ATP2A3: variants seen among roughly 807,000 people sequenced by gnomAD.
ATP2A3 encodes the protein sarcoplasmic/endoplasmic reticulum calcium ATPase 3.
A neutral mutation model predicts 106.8 loss-of-function variants in ATP2A3; 61 were observed. That is an observed-to-expected ratio of 0.57 (90% CI 0.46 to 0.71). The LOEUF is 0.71. ATP2A3 is among the 30% of genes least tolerant of loss of function. The pLI is 0.00. For missense variants in ATP2A3, 1,201 were observed against 1,423.5 expected (o/e 0.84, Z 2.52); for synonymous variants, 611 against 609.3 (o/e 1.00, Z -0.04).
At chr17:3,961,919 G>T (rs1475005773) in intron 1 of ATP2A3, among the ~76,000 whole-genome samples, 4 of 152,168 alleles carry the variant, frequency 2.6e-5, no homozygotes, top group African/African-American at 7.2e-5. Context: ...AGGGTTCAAA[G>T]CCTCATCAGC....
Position 3,941,002 on chromosome 17 carries a change from T to C in ATP2A3, c.2069A>G (p.Asn690Ser), listed in dbSNP as rs1310204775. The change falls in exon 14 of 21, where the codon AAC becomes AGC. Residue 690 changes from asparagine to serine, a missense_variant. Coordinates refer to ENST00000397041, the MANE Select transcript of ATP2A3 (RefSeq NM_005173.4). The part of the protein sequence containing the change: ...EPAHKSRIVE[N>S]LQSFNEITAM... ...AGTGATCTCGTTAAAGGACTGCAGGTTCTCCACGATGCGGGACTTGTGTGC... is the reference window on the plus strand; with the variant it reads ...AGTGATCTCGTTAAAGGACTGCAGGCTCTCCACGATGCGGGACTTGTGTGC... 30 of 1,613,942 alleles carry C rather than the reference T, an allele frequency of 1.9e-5. No individual in the cohort carries two copies. The highest frequency in any genetic ancestry group is 2.5e-5 in the Non-Finnish European group (30 of 1,179,832).
At chr17:3,951,927 G>A (rs1224876197) in intron 3 of ATP2A3, among the ~76,000 whole-genome samples, 1 of 152,156 alleles carries the variant, frequency 6.6e-6, no homozygotes, top group Non-Finnish European at 1.5e-5. Context: ...GCTGCCCACC[G>A]AGGCCTTACT....
At position 3,944,692 on chromosome 17, in the gene ATP2A3, G is replaced by C; in HGVS notation, c.1287+12C>G. 1 of 1,611,462 alleles carries C rather than the reference G, an allele frequency of 6.2e-7. No homozygotes were observed. The highest frequency in any genetic ancestry group is 8.5e-7 in the Non-Finnish European group (1 of 1,178,602). The stretch of plus-strand genomic sequence containing the variant: ...GGATACTAGGGAGGTCATGAAAGGG[G>C]GTGAGGCCCACCTCGTTGTAGTCCA... On this transcript the variant is annotated intron_variant, in intron 10 of 20. Coordinates refer to ENST00000397041, the MANE Select transcript of ATP2A3 (RefSeq NM_005173.4).
Position 3,930,165 on chromosome 17 carries a change from C to T in ATP2A3, c.2744+136G>A, listed in dbSNP as rs2052978236. The T allele has an allele frequency of 7.9e-7, 1 of 1,270,620 alleles. No homozygotes were observed. Among genetic ancestry groups the T allele is most frequent in the Non-Finnish European group, 1.1e-6 (1 of 928,348 alleles). 78.7% of individuals were successfully genotyped at this position (1,270,620 alleles called of 1,614,324 possible). On this transcript the variant is annotated intron_variant, in intron 18 of 20. Transcript: ENST00000397041. The surrounding 1 kb of genome is among the most constrained non-coding windows in gnomAD (Gnocchi z 5.4). ...TGATACTGGAACCCCCAGCCCTCAG[C>T]CCCCACTCCTCGGCCCCAGCTCCAG...
At chr17:3,958,803 C>CACACACACACATAT (rs1360510865) in intron 1 of ATP2A3, among the ~76,000 whole-genome samples, 1 of 116,096 alleles carries the variant, frequency 8.6e-6, no homozygotes, top group Non-Finnish European at 1.7e-5. Flanking sequence ...CATATATATA[C>CACACACACACATAT]ACACATATAT....
Position 3,951,287 on chromosome 17 carries a change from G to C in ATP2A3, c.427C>G (p.Arg143Gly). ...DRKGVQRIRA[R>G]DIVPGDIVEV... is the part of the protein sequence containing the mutation. ...ACAATGTCCCCTGGGACGATGTCCC[G>C]GGCACGGATCCTCTGCACGCCCTTG... The change falls in exon 5 of 21, where the codon CGG (arginine) becomes GGG (glycine). Residue 143 changes from arginine (R) to glycine (G), a missense_variant. Physicochemically the swap from Arg to Gly is moderately radical, Grantham distance 125. This residue lies in a region of ATP2A3 where 266 missense variants were observed against 246.8 expected (regional missense o/e 1.08). Transcript: ENST00000397041. The C allele has an allele frequency of 6.2e-7, 1 of 1,613,786 alleles. No individual in the cohort carries two copies. The highest frequency in any genetic ancestry group is 8.5e-7 in the Non-Finnish European group (1 of 1,179,978).
At chr17:3,931,458 G>C (rs1292263367) in intron 17 of ATP2A3, among the ~76,000 whole-genome samples, 1 of 152,000 alleles carries the variant, frequency 6.6e-6, no homozygotes, top group Non-Finnish European at 1.5e-5. Flanking sequence ...CCGTTAACCA[G>C]CTTAGTTCAC....
At chr17:3,941,880 G>A (rs933989127) in intron 12 of ATP2A3, among the ~76,000 whole-genome samples, 3 of 152,298 alleles carry the variant, frequency 2.0e-5, no homozygotes, top group East Asian at 1.9e-4. Context: ...TGGGGTGGGG[G>A]CAGCCACCAA....
chr17:3,929,326 A>C lies in ATP2A3; in HGVS notation c.2862+2T>G. The stretch of plus-strand genomic sequence containing the variant: ...GGCAGTGGGGCAGGCGGGGTGACTC[A>C]CAGGCAGGGGCGGCACGAGCAGGAT... On this transcript the variant is annotated splice_donor_variant, in intron 19 of 20. Coordinates refer to ENST00000397041, the MANE Select transcript of ATP2A3 (RefSeq NM_005173.4). LOFTEE classifies it high-confidence loss of function. This position sits in a 1 kb window ranked among gnomAD's most constrained non-coding sequence, Gnocchi z 4.3. 6.4e-7 allele frequency: 1 copy of C among 1,550,756 alleles called. No individual in the cohort carries two copies. Among genetic ancestry groups the C allele is most frequent in the Non-Finnish European group, 8.7e-7 (1 of 1,147,222 alleles).
rs1597612793 is a variant in ATP2A3 at position 3,941,214 on chromosome 17, G to A, written c.1857C>T (p.Ile619=). 6.2e-7 allele frequency: 1 copy of A among 1,614,108 alleles called. No homozygotes were observed. Reference sequence around the variant, plus strand: ...TATCCCCCGTGATCATGACCACGCGGATGCCCGCCTGGTAGCAGCGTGTGA... The same window carrying A: ...TATCCCCCGTGATCATGACCACGCGAATGCCCGCCTGGTAGCAGCGTGTGA... ...ACITRCYQAG[I]RVVMITGDNK... The change falls in exon 14 of 21, where the codon ATC becomes ATT. Residue 619 remains isoleucine (I), a synonymous_variant. Coordinates refer to ENST00000397041, the MANE Select transcript of ATP2A3 (RefSeq NM_005173.4).
At chr17:3,944,644 A>G in intron 10 of ATP2A3, 60 bp downstream of exon 10, 1 of 1,553,742 alleles carries the variant, frequency 6.4e-7, no homozygotes. Context: ...TGAGGCTGGG[A>G]AAAGGGTCTG....
In ATP2A3 at chr17:3,955,980, C is replaced by G. The variant is rs905497039; in HGVS notation, c.119-2270G>C. Among the ~76,000 whole-genome samples, 1 of 151,942 alleles carries G rather than the reference C, an allele frequency of 6.6e-6. No homozygotes were observed. The highest frequency in any genetic ancestry group is 2.4e-5 in the African/African-American group (1 of 41,336). On this transcript the variant is annotated intron_variant, in intron 1 of 20. Transcript: ENST00000397041. This position sits in a 1 kb window ranked among gnomAD's most constrained non-coding sequence, Gnocchi z 4.2. Reference sequence around the variant, plus strand: ...TACTGCAACCTCCGCCTCCCAGGTTCAAGCGATTCTCCTGCCTCAGCCTCC... The same window carrying G: ...TACTGCAACCTCCGCCTCCCAGGTTGAAGCGATTCTCCTGCCTCAGCCTCC...
intron 1 of ATP2A3, among the ~76,000 whole-genome samples, chr17:3,959,770 A>T (rs1314566877): frequency 6.6e-6 from 1 of 152,180 alleles, no homozygotes; most frequent in African/African-American, 2.4e-5. Context: ...TAGAGTGGAC[A>T]CCTGACCTTG....
chr17:3,958,817 T>TAC (rs1567726687), intron 1 of ATP2A3, among the ~76,000 whole-genome samples: 1 of 79,444 alleles, frequency 1.3e-5, no homozygotes, highest in Non-Finnish European at 2.3e-5. Flanking sequence ...CATATATATA[T>TAC]ACACACATAT....
chr17:3,928,067 G>C lies in ATP2A3; in HGVS notation c.2980+596C>G. 1.2e-6 allele frequency: 2 copies of C among 1,613,848 alleles called. No homozygotes were observed. Among genetic ancestry groups the C allele is most frequent in the Non-Finnish European group, 1.7e-6 (2 of 1,179,846 alleles). On this transcript the variant is annotated intron_variant, in intron 20 of 20. Coordinates refer to ENST00000397041, the MANE Select transcript of ATP2A3 (RefSeq NM_005173.4). The surrounding 1 kb of genome is among the most constrained non-coding windows in gnomAD (Gnocchi z 6.1). ...GGAAGTTCAGAATCACCCACTCTCA[G>C]AGCCCACCTGGCAGAGGCAGGTGGA...
chr17:3,930,447 T>TGGCAGGTCAGAGAGAGC lies in ATP2A3; in HGVS notation c.2611-30_2611-14dup, dbSNP rs761483577. On this transcript the variant is annotated splice_polypyrimidine_tract_variant and intron_variant, in intron 17 of 20. Transcript: ENST00000397041. The surrounding 1 kb of genome is among the most constrained non-coding windows in gnomAD (Gnocchi z 5.4). Reference sequence around the variant, plus strand: ...TCAGGAAGTTCCTCTGGGGGCACCGTGGCAGGTCAGAGAGAGCGGCAGGTC... The same window carrying TGGCAGGTCAGAGAGAGC: ...TCAGGAAGTTCCTCTGGGGGCACCGTGGCAGGTCAGAGAGAGCGGCAGGTCAGAGAGAGCGGCAGGTC... The TGGCAGGTCAGAGAGAGC allele has an allele frequency of 7.7e-5, 125 of 1,613,382 alleles. 1 individual carries two copies. In the East Asian group the frequency reaches 2.7e-3, roughly 35 times the overall value.
At chr17:3,937,183 A>G (rs1243678683) in intron 15 of ATP2A3, 3 of 575,106 alleles carry the variant, frequency 5.2e-6, no homozygotes, top group Non-Finnish European at 9.3e-6. Flanking sequence ...GCGACTCTTC[A>G]GGCACCTCCG....
Position 3,947,276 on chromosome 17 carries a change from C to G in ATP2A3, c.1095+115G>C, listed in dbSNP as rs2054164953. On this transcript the variant is annotated intron_variant, in intron 8 of 20. Coordinates refer to ENST00000397041, the MANE Select transcript of ATP2A3 (RefSeq NM_005173.4). This position sits in a 1 kb window ranked among gnomAD's most constrained non-coding sequence, Gnocchi z 7.7. ...CCTGGACCTGCTCTGGGCCAAGGGACAGCCCACAGATTCTCTCCTCCATCC... is the reference window on the plus strand; with the variant it reads ...CCTGGACCTGCTCTGGGCCAAGGGAGAGCCCACAGATTCTCTCCTCCATCC... 1.5e-6 allele frequency: 2 copies of G among 1,291,206 alleles called. No individual in the cohort carries two copies. Among genetic ancestry groups the G allele is most frequent in the Non-Finnish European group, 2.2e-6 (2 of 911,746 alleles). The allele number at this position is 1,291,206 out of a possible 1,614,324, so 80.0% of individuals were successfully genotyped here.
intron 20 of ATP2A3, chr17:3,927,857 C>T: frequency 6.4e-7 from 1 of 1,550,972 alleles, no homozygotes; most frequent in Non-Finnish European, 8.7e-7. Context: ...CCAGAGGTGG[C>T]CCCCAACGAC....
Sources: allele counts gnomAD v4.1 joint callset (sites outside exome capture counted in the v4.1 genomes callset), GRCh38; gene constraint gnomAD v4.1.1; regional missense constraint gnomAD v4.1.1; non-coding constraint Gnocchi (gnomAD v3.1); transcripts MANE v1.5; gene names NCBI Gene and HGNC (gene_info 2026-07-23, HGNC 2026-07-21).